The following SLC4A10 variants were observed in gnomAD, a reference collection of about 807,000 sequenced individuals.
SLC4A10 encodes the protein sodium-driven chloride bicarbonate exchanger.
Under a neutral mutation model 137.7 loss-of-function variants are expected in SLC4A10, and 42 were observed. The observed-to-expected ratio is 0.30, with a 90% CI of 0.24 to 0.39. SLC4A10 has a LOEUF of 0.39. SLC4A10 is among the 10% of genes least tolerant of loss of function. The pLI is 1.00. For missense variants in SLC4A10, 925 were observed against 1,355.0 expected, an observed-to-expected ratio of 0.68 and a Z score of 4.98; for synonymous variants, 474 against 464.1, an observed-to-expected ratio of 1.02 and a Z score of -0.27.
chr2:161,760,170 A>G lies in SLC4A10; in HGVS notation c.49-10803A>G, dbSNP rs540506932. On this transcript the variant is annotated intron_variant, in intron 1 of 26. Transcript: ENST00000446997. ...TTAAAATAGCACTCCTTCACTATCC[A>G]TTCTTACCTTATGCAATTTCAGTTT... 8.8e-4 allele frequency among the ~76,000 whole-genome samples: 134 copies of G among 152,026 alleles called. 1 individual carries two copies. The highest frequency in any genetic ancestry group is 6.8e-3 in the Middle Eastern group (2 of 294).
At chr2:161,786,656 G>A (rs987076150) in intron 2 of SLC4A10, among the ~76,000 whole-genome samples, 3 of 149,498 alleles carry the variant, frequency 2.0e-5, no homozygotes, top group African/African-American at 4.9e-5. Flanking sequence ...TAATATTGAC[G>A]TGAAATTTTG....
At chr2:161,768,544 T>C (rs2051178195) in intron 1 of SLC4A10, among the ~76,000 whole-genome samples, 1 of 151,960 alleles carries the variant, frequency 6.6e-6, no homozygotes, top group South Asian at 2.1e-4. Flanking sequence ...GTAAATTGGC[T>C]CAAGTACGGA....
intron 21 of SLC4A10, among the ~76,000 whole-genome samples, chr2:161,962,083 A>G (rs1052421038): frequency 1.3e-5 from 2 of 152,220 alleles, no homozygotes; most frequent in South Asian, 4.1e-4. Context: ...ATTTAAACAT[A>G]TGCTAAATAT....
At chr2:161,979,885 G>T (rs758206683) in intron 26 of SLC4A10, among the ~76,000 whole-genome samples, 69 of 152,110 alleles carry the variant, frequency 4.5e-4, no homozygotes, top group Non-Finnish European at 8.7e-4. Context: ...ATTTTGAATA[G>T]AAATTATATT....
At chr2:161,654,962 G>T (rs2105626505) in intron 1 of SLC4A10, among the ~76,000 whole-genome samples, 1 of 152,198 alleles carries the variant, frequency 6.6e-6, no homozygotes, top group East Asian at 1.9e-4. Flanking sequence ...GGTGGTTTTG[G>T]CTAGTATGAA....
chr2:161,803,260 C>T (rs935679588), intron 2 of SLC4A10, among the ~76,000 whole-genome samples: 1 of 152,098 alleles, frequency 6.6e-6, no homozygotes, highest in African/African-American at 2.4e-5. Context: ...AAAGTTGAGA[C>T]AGTTCCCATG....
intron 1 of SLC4A10, among the ~76,000 whole-genome samples, chr2:161,686,378 T>C (rs1350342746): frequency 6.6e-6 from 1 of 152,152 alleles, no homozygotes; most frequent in Non-Finnish European, 1.5e-5. Context: ...TTTTCAAATA[T>C]CAATTTATTA....
chr2:161,942,588 TGTAGA>T (rs1233246277), intron 15 of SLC4A10, among the ~76,000 whole-genome samples, 199 bp from the exon 16 acceptor site: 2 of 152,142 alleles, frequency 1.3e-5, no homozygotes, highest in African/African-American at 4.8e-5. Flanking sequence ...CAGGAAACAC[TGTAGA>T]GTAGTCTAGT....
intron 5 of SLC4A10, among the ~76,000 whole-genome samples, chr2:161,856,212 C>T (rs138991610): frequency 1.4e-3 from 206 of 151,988 alleles, no homozygotes; most frequent in African/African-American, 3.9e-3. Flanking sequence ...TGAATGTCAC[C>T]CAAATTTTGA....
chr2:161,780,900 G>A (rs542036484), intron 2 of SLC4A10, among the ~76,000 whole-genome samples: 1 of 151,904 alleles, frequency 6.6e-6, no homozygotes, highest in African/African-American at 2.4e-5. Context: ...TATCTAAAAG[G>A]ATAATCTGAT....
chr2:161,875,522 A>T (rs949901613), intron 8 of SLC4A10, among the ~76,000 whole-genome samples: 4 of 152,240 alleles, frequency 2.6e-5, no homozygotes, highest in Admixed American at 2.6e-4. Flanking sequence ...AGGAATGATT[A>T]GGAAAATAAC....
intron 1 of SLC4A10, among the ~76,000 whole-genome samples, chr2:161,754,159 C>T (rs2049324190): frequency 6.6e-6 from 1 of 151,992 alleles, no homozygotes; most frequent in Non-Finnish European, 1.5e-5. Flanking sequence ...GCCTCGGCCT[C>T]CCAAAGTGCT....
At chr2:161,843,297 T>A (rs1400226927) in intron 4 of SLC4A10, among the ~76,000 whole-genome samples, 1 of 152,180 alleles carries the variant, frequency 6.6e-6, no homozygotes, top group African/African-American at 2.4e-5. Flanking sequence ...TAGGTTTTTG[T>A]TATGCTCTAA....
intron 1 of SLC4A10, among the ~76,000 whole-genome samples, chr2:161,725,786 G>A (rs1413941992): frequency 6.6e-6 from 1 of 152,184 alleles, no homozygotes; most frequent in Admixed American, 6.6e-5. Flanking sequence ...TGCCAAAGCC[G>A]TGCCATCTGT....
chr2:161,719,992 T>A (rs2125111327), intron 1 of SLC4A10, among the ~76,000 whole-genome samples: 1 of 152,364 alleles, frequency 6.6e-6, no homozygotes, highest in South Asian at 2.1e-4. Context: ...TGAATGGTAA[T>A]GCCTAGGTTT....
intron 1 of SLC4A10, among the ~76,000 whole-genome samples, chr2:161,729,908 T>A (rs964695877): frequency 1.3e-5 from 2 of 152,192 alleles, no homozygotes; most frequent in Non-Finnish European, 2.9e-5. Flanking sequence ...CCTCTTTTAT[T>A]TGTAACACTG....
At chr2:161,746,965 G>A (rs2048453207) in intron 1 of SLC4A10, among the ~76,000 whole-genome samples, 1 of 152,082 alleles carries the variant, frequency 6.6e-6, no homozygotes, top group Non-Finnish European at 1.5e-5. Context: ...GTTGCAAGCC[G>A]AGGTCCTCTT....
intron 8 of SLC4A10, 46 bp from the exon 9 acceptor site, chr2:161,879,085 A>AT (rs753728427): frequency 6.3e-7 from 1 of 1,592,510 alleles, no homozygotes; most frequent in African/African-American, 1.3e-5. Flanking sequence ...GATTTACCAG[A>AT]TTTTTCCAAT....
intron 1 of SLC4A10, among the ~76,000 whole-genome samples, chr2:161,764,440 T>C (rs1237372128): frequency 6.6e-6 from 1 of 152,040 alleles, no homozygotes; most frequent in Non-Finnish European, 1.5e-5. Context: ...GAAGAAAGAA[T>C]TCAGAATTGA....
Sources: allele counts gnomAD v4.1 joint callset (sites outside exome capture counted in the v4.1 genomes callset), GRCh38; gene constraint gnomAD v4.1.1; transcripts MANE v1.5; gene names NCBI Gene and HGNC (gene_info 2026-07-23, HGNC 2026-07-21).